Variants in HUNK observed in about 807,000 individuals in gnomAD.
HUNK encodes the protein hormonally up-regulated Neu-associated kinase, also known as hormonally up-regulated neu tumor-associated kinase.
HUNK carries 21 observed loss-of-function variants against 61.0 expected under a neutral mutation model. The observed-to-expected ratio is 0.34, with a 90% CI of 0.24 to 0.50. The LOEUF is 0.50. Among genes scored for constraint, HUNK ranks in the 20% least tolerant of loss-of-function variants. HUNK has a pLI of 0.98. For missense variants in HUNK, 772 were observed against 945.7 expected (o/e 0.82, Z 2.41); for synonymous variants, 371 against 386.1 (o/e 0.96, Z 0.46).
chr21:31,881,798 C>T (rs866689959), intron 1 of HUNK, among the ~76,000 whole-genome samples: 1 of 152,302 alleles, frequency 6.6e-6, no homozygotes, highest in Middle Eastern at 3.4e-3. Context: ...TGTGGTCTCT[C>T]TCCCTGCAAT....
chr21:31,902,668 T>A (rs1161755203), intron 1 of HUNK, among the ~76,000 whole-genome samples: 1 of 152,240 alleles, frequency 6.6e-6, no homozygotes, highest in East Asian at 1.9e-4. Context: ...TAGGCCTTTT[T>A]GTTTTCACAC....
chr21:31,906,712 A>G (rs13048961), intron 1 of HUNK, among the ~76,000 whole-genome samples: 1 of 149,824 alleles, frequency 6.7e-6, no homozygotes, highest in African/African-American at 2.4e-5. Context: ...TTACAGGTGT[A>G]AGCCACTGCA....
chr21:31,932,506 T>C (rs930943084), intron 2 of HUNK, among the ~76,000 whole-genome samples: 2 of 152,162 alleles, frequency 1.3e-5, no homozygotes, highest in African/African-American at 4.8e-5. Flanking sequence ...TGGTTAGTCA[T>C]GGCCTGTTTG....
chr21:31,888,385 T>C (rs1390428375), intron 1 of HUNK, among the ~76,000 whole-genome samples: 3 of 152,180 alleles, frequency 2.0e-5, no homozygotes, highest in Non-Finnish European at 4.4e-5. Context: ...CTCACATATG[T>C]AGTACAGATC....
At position 31,876,355 on chromosome 21, in the gene HUNK, A is replaced by G. The variant is rs150636253; in HGVS notation, c.261+2420A>G. On this transcript the variant is annotated intron_variant, in intron 1 of 10. Coordinates refer to ENST00000270112, the MANE Select transcript of HUNK (RefSeq NM_014586.2). The stretch of plus-strand genomic sequence containing the variant: ...AGAAATCTGGATTTTAGTTCACTCA[A>G]TTGCTGGCTTTAAAGAAACAATGGT... 1.3e-4 allele frequency among the ~76,000 whole-genome samples: 20 copies of G among 152,306 alleles called. No homozygotes were observed. In the East Asian group the frequency reaches 3.3e-3, roughly 25 times the overall value.
chr21:31,873,910 G>T lies in HUNK; in HGVS notation c.236G>T (p.Gly79Val). 6.4e-7 allele frequency: 1 copy of T among 1,569,128 alleles called. No individual in the cohort carries two copies. ...GGCTCCTTTGCCAAGGTGCGCGAGGGGCTGCACGTGCTGACCGGGGAGAAG... is the reference window on the plus strand; with the variant it reads ...GGCTCCTTTGCCAAGGTGCGCGAGGTGCTGCACGTGCTGACCGGGGAGAAG... Reference protein sequence around the residue: ...GEGSFAKVREGLHVLTGEKVA... With the variant: ...GEGSFAKVREVLHVLTGEKVA... The change falls in exon 1 of 11, where the codon GGG becomes GTG. Residue 79 changes from glycine (G) to valine (V), a missense_variant. Gly to Val is a moderately radical substitution (Grantham distance 109). Around this residue, in one of 2 missense-constraint regions of HUNK, gnomAD observed 359 missense variants for 501.3 expected, o/e 0.72. Coordinates refer to ENST00000270112, the MANE Select transcript of HUNK (RefSeq NM_014586.2). The surrounding 1 kb of genome is among the most constrained non-coding windows in gnomAD (Gnocchi z 6.1).
In HUNK at chr21:31,974,581, G is replaced by A. The variant is rs1438312148; in HGVS notation, c.1037G>A (p.Ser346Asn). 2 of 1,613,638 alleles carry A rather than the reference G, an allele frequency of 1.2e-6. No homozygotes were observed. Among genetic ancestry groups the A allele is most frequent in the Non-Finnish European group, 1.7e-6 (2 of 1,179,862 alleles). Residue 346 changes from serine (S) to asparagine (N), a missense_variant, in exon 7 of 11, where the codon AGC (serine) becomes AAC (asparagine). Around this residue, in one of 2 missense-constraint regions of HUNK, gnomAD observed 359 missense variants for 501.3 expected, o/e 0.72. Transcript: ENST00000270112. ...NRISLEDLSP[S>N]VVLHMTEKLG... is the part of the protein sequence containing the mutation. ...ATTTCTCTGGAAGATCTGAGCCCGAGCGTCGTGCTGCACATGACCGAGAAG... is the reference window on the plus strand; with the variant it reads ...ATTTCTCTGGAAGATCTGAGCCCGAACGTCGTGCTGCACATGACCGAGAAG...
At chr21:31,951,422 C>T (rs2052849189) in intron 4 of HUNK, among the ~76,000 whole-genome samples, 1 of 152,158 alleles carries the variant, frequency 6.6e-6, no homozygotes, top group Admixed American at 6.5e-5. Flanking sequence ...TTACAATACT[C>T]ATGTGCAACC....
intron 2 of HUNK, among the ~76,000 whole-genome samples, chr21:31,926,066 G>T (rs2052657431): frequency 6.6e-6 from 1 of 152,222 alleles, no homozygotes; most frequent in African/African-American, 2.4e-5. Flanking sequence ...TTACAGGCAT[G>T]TGCCACAACG....
chr21:31,951,909 A>G (rs940121176), intron 4 of HUNK, among the ~76,000 whole-genome samples: 1 of 152,242 alleles, frequency 6.6e-6, no homozygotes, highest in African/African-American at 2.4e-5. Context: ...AATGAAGGCT[A>G]GCAGGAGGCA....
At chr21:31,880,699 C>T (rs1017607250) in intron 1 of HUNK, among the ~76,000 whole-genome samples, 3 of 152,360 alleles carry the variant, frequency 2.0e-5, no homozygotes, top group South Asian at 2.1e-4. Flanking sequence ...ATCATATCCA[C>T]AGGTACCAAC....
At chr21:31,926,209 C>T (rs930625198) in intron 2 of HUNK, among the ~76,000 whole-genome samples, 17 of 152,192 alleles carry the variant, frequency 1.1e-4, no homozygotes, top group Admixed American at 3.3e-4. Flanking sequence ...TGAGCCACCA[C>T]GCCCGGCATA....
At chr21:31,911,828 A>G (rs148102077) in intron 1 of HUNK, among the ~76,000 whole-genome samples, 115 of 152,050 alleles carry the variant, frequency 7.6e-4, no homozygotes, top group African/African-American at 2.6e-3. Context: ...AGGTCTCCCC[A>G]CCACCCCTTC....
chr21:31,942,815 T>C (rs2052777744), intron 3 of HUNK, among the ~76,000 whole-genome samples: 1 of 152,178 alleles, frequency 6.6e-6, no homozygotes, highest in Non-Finnish European at 1.5e-5. Context: ...GCCAATTTGG[T>C]TGCCAGTTCT....
At position 32,001,567 on chromosome 21, in the gene HUNK, G is replaced by A. The variant is rs937842111; in HGVS notation, c.*2383G>A. On this transcript the variant is annotated 3_prime_UTR_variant, in exon 11 of 11. Coordinates refer to ENST00000270112, the MANE Select transcript of HUNK (RefSeq NM_014586.2). ...ACATGTGCCGCTAACTGACCGCGTTGCCATTGGCGACCTGGACTCTGAACT... is the reference window on the plus strand; with the variant it reads ...ACATGTGCCGCTAACTGACCGCGTTACCATTGGCGACCTGGACTCTGAACT... The A allele has an allele frequency of 1.2e-4, 19 of 152,558 alleles. No homozygotes were observed. The highest frequency in any genetic ancestry group is 4.3e-4 in the African/African-American group (18 of 41,408). The allele number at this position is 152,558 out of a possible 1,614,324, so 9.5% of individuals were successfully genotyped here.
intron 1 of HUNK, among the ~76,000 whole-genome samples, chr21:31,909,563 A>G (rs1826872654): frequency 6.6e-6 from 1 of 152,290 alleles, no homozygotes; most frequent in East Asian, 1.9e-4. Context: ...TTTTTCCCTC[A>G]ACAAAAAGGC....
intron 4 of HUNK, among the ~76,000 whole-genome samples, chr21:31,949,232 G>A (rs952587843): frequency 2.0e-5 from 3 of 152,190 alleles, no homozygotes; most frequent in African/African-American, 7.2e-5. Context: ...CAGGTGGGCT[G>A]GGGTCATGTG....
intron 3 of HUNK, among the ~76,000 whole-genome samples, chr21:31,943,020 C>A (rs2052779512): frequency 6.6e-6 from 1 of 152,146 alleles, no homozygotes; most frequent in South Asian, 2.1e-4. Context: ...GATCAAAGAT[C>A]TTCCAACTCC....
rs74265539 is a variant in HUNK at position 31,940,227 on chromosome 21, CTT to C, written c.610+20_610+21del. ...AATAATATCAAGCTGATTGGTATGA[CTT>C]TTTTTTTTTTTTAAGCAAAAGTATC... On this transcript the variant is annotated splice_region_variant and intron_variant, in intron 3 of 10. Coordinates refer to ENST00000270112, the MANE Select transcript of HUNK (RefSeq NM_014586.2). 6.7e-3 allele frequency: 8,469 copies of C among 1,258,424 alleles called. No individual in the cohort carries two copies. Among genetic ancestry groups the C allele is most frequent in the South Asian group, 9.6e-3 (670 of 69,570 alleles). The allele number at this position is 1,258,424 out of a possible 1,614,324, so 78.0% of individuals were successfully genotyped here.
Sources: allele counts gnomAD v4.1 joint callset (sites outside exome capture counted in the v4.1 genomes callset), GRCh38; gene constraint gnomAD v4.1.1; regional missense constraint gnomAD v4.1.1; non-coding constraint Gnocchi (gnomAD v3.1); transcripts MANE v1.5; gene names NCBI Gene and HGNC (gene_info 2026-07-23, HGNC 2026-07-21).